ANKS1B: variants seen among roughly 807,000 people sequenced by gnomAD.
The protein encoded by ANKS1B is ankyrin repeat and sterile alpha motif domain-containing protein 1B.
Under a neutral mutation model 148.3 loss-of-function variants are expected in ANKS1B, and 36 were observed. The observed-to-expected ratio is 0.24, with a 90% CI of 0.19 to 0.32. ANKS1B has a LOEUF of 0.32. ANKS1B is among the 10% of genes least tolerant of loss of function. ANKS1B has a pLI of 1.00. For synonymous variants in ANKS1B, 542 were observed against 560.8 expected (o/e 0.97, Z 0.47); for missense variants, 1,157 against 1,542.6 (o/e 0.75, Z 4.19).
At chr12:99,579,204 T>C (rs935633496) in intron 9 of ANKS1B, among the ~76,000 whole-genome samples, 1 of 152,192 alleles carries the variant, frequency 6.6e-6, no homozygotes, top group Admixed American at 6.5e-5. Context: ...CAACTCGAGT[T>C]GGATTAAACA....
intron 14 of ANKS1B, among the ~76,000 whole-genome samples, chr12:99,181,728 T>C (rs2079138891): frequency 6.6e-6 from 1 of 152,194 alleles, no homozygotes; most frequent in South Asian, 2.1e-4. Context: ...AGGCATACAA[T>C]GTGTAATGAT....
intron 9 of ANKS1B, among the ~76,000 whole-genome samples, chr12:99,652,398 G>A (rs1027389679): frequency 6.6e-6 from 1 of 151,886 alleles, no homozygotes; most frequent in East Asian, 1.9e-4. Flanking sequence ...GCTTGAACCA[G>A]GGAGGCAGAG....
rs150920343 is a variant in ANKS1B, at chr12:99,706,153, G to A, written c.1129-50943C>T. 7.4e-3 allele frequency among the ~76,000 whole-genome samples: 1,124 copies of A among 152,048 alleles called. 16 individuals are homozygous for A. Among genetic ancestry groups the A allele is most frequent in the African/African-American group, 0.025 (1,052 of 41,498 alleles). ...TGTGTGGGGTACTGTTATAGTAAGC[G>A]GTAGGAAAGAGAGGAATGCCATATT... On this transcript the variant is annotated intron_variant, in intron 8 of 26. Coordinates refer to ENST00000683438, the MANE Select transcript of ANKS1B (RefSeq NM_001352186.2).
At chr12:99,443,439 C>T (rs1416949013) in intron 11 of ANKS1B, among the ~76,000 whole-genome samples, 1 of 151,914 alleles carries the variant, frequency 6.6e-6, no homozygotes, top group Non-Finnish European at 1.5e-5. Context: ...TTTTCTAAGT[C>T]TCACTGCTTC....
chr12:99,766,147 T>C (rs757255949), intron 8 of ANKS1B, among the ~76,000 whole-genome samples: 1 of 152,234 alleles, frequency 6.6e-6, no homozygotes, highest in Non-Finnish European at 1.5e-5. Context: ...CACTTTTATA[T>C]GCAGTCTTTG....
chr12:99,267,943 G>A (rs1244773977), intron 12 of ANKS1B, among the ~76,000 whole-genome samples: 1 of 152,046 alleles, frequency 6.6e-6, no homozygotes, highest in Non-Finnish European at 1.5e-5. Context: ...AAGGGAGAAT[G>A]GTGAAAAATA....
intron 12 of ANKS1B, among the ~76,000 whole-genome samples, chr12:99,284,427 T>C (rs2078855640): frequency 6.6e-6 from 1 of 152,208 alleles, no homozygotes; most frequent in African/African-American, 2.4e-5. Context: ...AACTGTGACC[T>C]AGATTATAAC....
intron 15 of ANKS1B, among the ~76,000 whole-genome samples, chr12:99,125,461 A>G (rs2064059156): frequency 6.6e-6 from 1 of 152,224 alleles, no homozygotes. Flanking sequence ...TCATTACAGC[A>G]TGCTGAATCT....
chr12:99,295,726 ATTAG>A (rs940830892), intron 12 of ANKS1B, among the ~76,000 whole-genome samples: 2 of 152,116 alleles, frequency 1.3e-5, no homozygotes, highest in African/African-American at 2.4e-5. Flanking sequence ...CCTGGTACAC[ATTAG>A]TTATTTTTCC....
At chr12:99,195,471 T>C (rs1447902459) in intron 14 of ANKS1B, among the ~76,000 whole-genome samples, 1 of 152,066 alleles carries the variant, frequency 6.6e-6, no homozygotes, top group Non-Finnish European at 1.5e-5. Context: ...ATCTGTTATA[T>C]TGCAATGAGA....
At chr12:99,464,658 G>C (rs1027668183) in intron 10 of ANKS1B, among the ~76,000 whole-genome samples, 1 of 152,196 alleles carries the variant, frequency 6.6e-6, no homozygotes, top group Non-Finnish European at 1.5e-5. Flanking sequence ...GAAGCCTCAG[G>C]AGCCGATGCG....
Position 99,636,596 on chromosome 12 carries a change from T to TTG in ANKS1B, c.1272+18470_1272+18471insCA, listed in dbSNP as rs574798951. On this transcript the variant is annotated intron_variant, in intron 9 of 26. Coordinates refer to ENST00000683438, the MANE Select transcript of ANKS1B (RefSeq NM_001352186.2). Reference sequence around the variant, plus strand: ...GAAATGCCCAAGGAAAACCAGAAAATTTTTTTTAAAAAACTGGCACTAAAT... The same window carrying TTG: ...GAAATGCCCAAGGAAAACCAGAAAATTGTTTTTTTAAAAAACTGGCACTAAAT... Among the ~76,000 whole-genome samples, 18 of 151,974 alleles carry TTG rather than the reference T, an allele frequency of 1.2e-4. No individual in the cohort carries two copies. In the South Asian group the frequency reaches 3.7e-3, roughly 32 times the overall value.
At chr12:99,101,025 C>T (rs78752019) in intron 15 of ANKS1B, among the ~76,000 whole-genome samples, 4,073 of 152,178 alleles carry the variant, frequency 0.027, 244 homozygotes, top group East Asian at 0.19. Context: ...CTGCGTGGAT[C>T]GGTTGCAGCA....
At chr12:99,041,467 T>G (rs561934818) in intron 17 of ANKS1B, among the ~76,000 whole-genome samples, 1 of 152,282 alleles carries the variant, frequency 6.6e-6, no homozygotes, top group Non-Finnish European at 1.5e-5. Context: ...ACACAGTGTG[T>G]TTATCATCTA....
intron 1 of ANKS1B, among the ~76,000 whole-genome samples, chr12:99,969,776 A>C (rs747976852): frequency 6.6e-6 from 1 of 152,208 alleles, no homozygotes; most frequent in Non-Finnish European, 1.5e-5. Flanking sequence ...TCCCTATGGC[A>C]CTAGGAAGCA....
intron 4 of ANKS1B, among the ~76,000 whole-genome samples, chr12:99,803,284 C>CG (rs57683762): frequency 5.7e-5 from 7 of 121,882 alleles, no homozygotes; most frequent in Non-Finnish European, 1.2e-4. Context: ...CACCCCCCCC[C>CG]AAAAAAAAAG....
intron 16 of ANKS1B, among the ~76,000 whole-genome samples, chr12:99,057,536 C>T (rs545948593): frequency 6.6e-5 from 10 of 152,246 alleles, no homozygotes; most frequent in African/African-American, 2.4e-4. Context: ...CCCCTTCAGC[C>T]GACAGTTATT....
At chr12:99,122,358 T>G (rs140228632) in intron 15 of ANKS1B, among the ~76,000 whole-genome samples, 11 of 152,260 alleles carry the variant, frequency 7.2e-5, no homozygotes, top group Admixed American at 2.0e-4. Context: ...AACATAAAAT[T>G]TTATTAGGAC....
At chr12:99,848,651 T>A (rs2087136381) in intron 1 of ANKS1B, among the ~76,000 whole-genome samples, 1 of 152,104 alleles carries the variant, frequency 6.6e-6, no homozygotes, top group African/African-American at 2.4e-5. Flanking sequence ...CATATCTATA[T>A]ACAAGAAATG....
Sources: allele counts gnomAD v4.1 joint callset (sites outside exome capture counted in the v4.1 genomes callset), GRCh38; gene constraint gnomAD v4.1.1; transcripts MANE v1.5; gene names NCBI Gene and HGNC (gene_info 2026-07-23, HGNC 2026-07-21).